The following SSBP3 variants were observed in gnomAD, a reference collection of about 807,000 sequenced individuals.
SSBP3 encodes the protein single stranded DNA binding protein 3.
In SSBP3, 5 loss-of-function variants were observed where a neutral mutation model predicts 69.6. The ratio of observed to expected loss-of-function variants is 0.07; its 90% CI spans 0.04 to 0.15. The LOEUF (loss-of-function observed/expected upper bound fraction) is 0.15. Ranked by LOEUF, SSBP3 falls within the 10% of genes least tolerant of loss-of-function variation. The pLI, the probability that SSBP3 is intolerant of heterozygous loss-of-function variation, is 1.00. For synonymous variants in SSBP3, 196 were observed against 193.4 expected, an observed-to-expected ratio of 1.01 and a Z score of -0.11; for missense variants, 312 against 534.0, an observed-to-expected ratio of 0.58 and a Z score of 4.10.
intron 4 of SSBP3, among the ~76,000 whole-genome samples, chr1:54,308,523 C>T (rs1645940485): frequency 1.3e-5 from 2 of 151,498 alleles, no homozygotes; most frequent in African/African-American, 4.9e-5. Context: ...ATGGCGTGAA[C>T]CCGGGAGGCG....
chr1:54,348,812 G>GCC (rs1646733660), intron 4 of SSBP3, among the ~76,000 whole-genome samples: 2 of 152,216 alleles, frequency 1.3e-5, no homozygotes, highest in Non-Finnish European at 2.9e-5. Flanking sequence ...CCTTGGAAGT[G>GCC]AGTTCACAGG....
At chr1:54,329,684 T>A (rs1213698943) in intron 4 of SSBP3, among the ~76,000 whole-genome samples, 2 of 152,210 alleles carry the variant, frequency 1.3e-5, no homozygotes, top group African/African-American at 4.8e-5. Context: ...TCCCTCCCCA[T>A]CAACTGTTCC....
At chr1:54,288,178 C>T (rs1645526788) in intron 4 of SSBP3, among the ~76,000 whole-genome samples, 1 of 152,158 alleles carries the variant, frequency 6.6e-6, no homozygotes, top group Non-Finnish European at 1.5e-5. Context: ...TGCCATAGGA[C>T]CCACCACCGC....
chr1:54,247,869 ACAT>A (rs1644760586), intron 9 of SSBP3, among the ~76,000 whole-genome samples: 1 of 152,212 alleles, frequency 6.6e-6, no homozygotes, highest in African/African-American at 2.4e-5. Context: ...CCTGATACTG[ACAT>A]ACATAAAACT....
intron 4 of SSBP3, among the ~76,000 whole-genome samples, chr1:54,337,378 G>A (rs1347492532): frequency 3.3e-5 from 5 of 151,828 alleles, no homozygotes; most frequent in East Asian, 3.9e-4. Flanking sequence ...AGGAAGAGGC[G>A]CAGGGATCTT....
At chr1:54,316,377 C>T (rs1187666156) in intron 4 of SSBP3, among the ~76,000 whole-genome samples, 2 of 148,880 alleles carry the variant, frequency 1.3e-5, no homozygotes, top group East Asian at 2.0e-4. Context: ...CGGTGGCTCA[C>T]GCCTGTAATC....
chr1:54,353,837 TAG>T (rs752184090), intron 4 of SSBP3, among the ~76,000 whole-genome samples: 3 of 152,220 alleles, frequency 2.0e-5, no homozygotes, highest in Non-Finnish European at 4.4e-5. Flanking sequence ...CAGCAATGCA[TAG>T]ACTCTGCTGA....
intron 5 of SSBP3, among the ~76,000 whole-genome samples, chr1:54,265,346 G>T (rs1424280094): frequency 6.6e-6 from 1 of 152,188 alleles, no homozygotes; most frequent in East Asian, 1.9e-4. Context: ...GTATGTGTGT[G>T]TGTGTTTACA....
intron 14 of SSBP3, among the ~76,000 whole-genome samples, chr1:54,234,136 T>A (rs555828466): frequency 4.4e-4 from 67 of 151,584 alleles, no homozygotes; most frequent in African/African-American, 1.5e-3. Context: ...GTTAAACAGA[T>A]GCTTGAAGGC....
intron 9 of SSBP3, among the ~76,000 whole-genome samples, chr1:54,243,838 A>C (rs1368767087): frequency 2.0e-5 from 3 of 152,214 alleles, no homozygotes; most frequent in Non-Finnish European, 4.4e-5. Context: ...CCCATGTGTC[A>C]GCATCAGAGG....
rs184677218 is a variant in SSBP3, at chr1:54,396,099, G to A, written c.276+5762C>T. Reference sequence around the variant, plus strand: ...CCCAGCTACTCAGGAGGCTGAGGCAGGAGAATCACTTGAACCCGGGAGGCG... The same window carrying A: ...CCCAGCTACTCAGGAGGCTGAGGCAAGAGAATCACTTGAACCCGGGAGGCG... On this transcript the variant is annotated intron_variant, in intron 4 of 17. Coordinates refer to ENST00000610401, the Ensembl canonical transcript of SSBP3. 1.1e-3 allele frequency among the ~76,000 whole-genome samples: 163 copies of A among 150,332 alleles called. 1 individual carries two copies. Among genetic ancestry groups the A allele is most frequent in the African/African-American group, 3.7e-3 (152 of 40,712 alleles).
At chr1:54,309,948 G>A (rs976619490) in intron 4 of SSBP3, among the ~76,000 whole-genome samples, 2 of 152,122 alleles carry the variant, frequency 1.3e-5, no homozygotes, top group African/African-American at 2.4e-5. Flanking sequence ...GGAAGGGGTG[G>A]GGGGAGCACA....
intron 4 of SSBP3, among the ~76,000 whole-genome samples, chr1:54,354,538 C>T (rs1646833197): frequency 1.3e-5 from 2 of 152,126 alleles, no homozygotes; most frequent in African/African-American, 4.8e-5. Context: ...GCGTTCACAT[C>T]TAACGTGGGA....
chr1:54,366,130 T>C (rs1464753107), intron 4 of SSBP3, among the ~76,000 whole-genome samples: 1 of 152,178 alleles, frequency 6.6e-6, no homozygotes, highest in Non-Finnish European at 1.5e-5. Context: ...CCTCTGTGAG[T>C]TAACTGCTCC....
At chr1:54,409,120 A>G (rs539548178), upstream of SSBP3, among the ~76,000 whole-genome samples, 7 of 152,304 alleles carry the variant, frequency 4.6e-5, no homozygotes, top group South Asian at 1.2e-3. Context: ...TCAAGGCCCC[A>G]GTCTACCTTT....
intron 4 of SSBP3, 124 bp downstream of exon 4, chr1:54,401,737 A>T: frequency 1.4e-6 from 1 of 729,846 alleles, no homozygotes; most frequent in Non-Finnish European, 2.3e-6. Flanking sequence ...GGGCAGGGGA[A>T]CAGAAAGAAA....
chr1:54,385,013 G>C (rs933454467), intron 4 of SSBP3, among the ~76,000 whole-genome samples: 8 of 152,168 alleles, frequency 5.3e-5, no homozygotes, highest in African/African-American at 1.9e-4. Flanking sequence ...GAGTAGGCCT[G>C]GGCAGGGACA....
intron 5 of SSBP3, among the ~76,000 whole-genome samples, chr1:54,259,448 G>T (rs1245816355): frequency 6.6e-6 from 1 of 152,232 alleles, no homozygotes; most frequent in Non-Finnish European, 1.5e-5. Context: ...GGCTGCCTCG[G>T]AAGCACGTTC....
intron 4 of SSBP3, among the ~76,000 whole-genome samples, chr1:54,302,208 C>T (rs906730581): frequency 6.6e-6 from 1 of 152,256 alleles, no homozygotes; most frequent in Non-Finnish European, 1.5e-5. Flanking sequence ...ACCTCTCTTC[C>T]TCACTGTAGC....
Sources: allele counts gnomAD v4.1 joint callset (sites outside exome capture counted in the v4.1 genomes callset), GRCh38; gene constraint gnomAD v4.1.1; transcripts MANE v1.5; gene names NCBI Gene and HGNC (gene_info 2026-07-23, HGNC 2026-07-21).